Variants in CAST observed in about 807,000 individuals in gnomAD.
The protein encoded by CAST is MIR583 host.
A neutral mutation model predicts 119.6 loss-of-function variants in CAST; 76 were observed. The observed-to-expected ratio is 0.64, with a 90% CI of 0.53 to 0.77. The LOEUF (loss-of-function observed/expected upper bound fraction) is 0.77, where lower values mean the gene tolerates loss of function less well. Ranked by LOEUF, CAST falls within the 30% of genes least tolerant of loss-of-function variation. The pLI is 0.00. For missense variants in CAST, 953 were observed against 946.5 expected (o/e 1.01, Z -0.09); for synonymous variants, 319 against 331.6 (o/e 0.96, Z 0.41).
the CAST span, among the ~76,000 whole-genome samples, chr5:96,404,308 T>A: frequency 6.6e-6 from 1 of 152,148 alleles, no homozygotes; most frequent in Non-Finnish European, 1.5e-5. Flanking sequence ...AAGGAATTCC[T>A]AGGTTGAATA....
chr5:96,617,272 G>T (rs1164931488), intron 1 of CAST, among the ~76,000 whole-genome samples: 1 of 151,896 alleles, frequency 6.6e-6, no homozygotes, highest in African/African-American at 2.4e-5. Context: ...CTTTAGGTAG[G>T]GTTCATTTAT....
chr5:96,605,003 C>T (rs1042418173), intron 1 of CAST, among the ~76,000 whole-genome samples: 1 of 151,988 alleles, frequency 6.6e-6, no homozygotes. Context: ...TTAAGAGACC[C>T]GGGACATAGA....
At chr5:96,695,731 T>A (rs1753204954) in intron 2 of CAST, 105 bp from the exon 3 acceptor site, 1 of 665,596 alleles carries the variant, frequency 1.5e-6, no homozygotes, top group Non-Finnish European at 2.6e-6. Flanking sequence ...CAAATATTAG[T>A]CTGATTTTTG....
chr5:96,735,832 G>A (rs12514686), intron 9 of CAST, among the ~76,000 whole-genome samples: 11,541 of 152,236 alleles, frequency 0.076, 700 homozygotes, highest in East Asian at 0.21. Flanking sequence ...GCAGCCTATA[G>A]AAAGAATTCA....
chr5:95,995,081 A>G, the CAST span, among the ~76,000 whole-genome samples: 1 of 152,170 alleles, frequency 6.6e-6, no homozygotes, highest in African/African-American at 2.4e-5. Context: ...CCCTTGGAGC[A>G]GCTTCTCAGA....
At chr5:96,545,777 G>A (rs1746000034) in intron 1 of CAST, among the ~76,000 whole-genome samples, 1 of 152,340 alleles carries the variant, frequency 6.6e-6, no homozygotes, top group Admixed American at 6.5e-5. Flanking sequence ...GAGGCTGACT[G>A]ACATACATGG....
At chr5:96,703,331 C>T (rs1754263482) in intron 3 of CAST, among the ~76,000 whole-genome samples, 1 of 152,152 alleles carries the variant, frequency 6.6e-6, no homozygotes. Context: ...TCTCCTCCTC[C>T]CCAGCCGTGC....
Position 96,563,652 on chromosome 5 carries a change from A to T in CAST, c.60+33772A>T, listed in dbSNP as rs894254531. Among the ~76,000 whole-genome samples, 6 of 110,396 alleles carry T rather than the reference A, an allele frequency of 5.4e-5. No homozygotes were observed. The East Asian group carries it at 7.2e-4, about 13-fold the overall frequency. The allele number at this position is 110,396 out of a possible 152,430, so 72.4% of individuals were successfully genotyped here. ...ATACCATATTACATGTATTACTTATAAAAAAAAAGCATTCTTTATTTTTAA... is the reference window on the plus strand; with the variant it reads ...ATACCATATTACATGTATTACTTATTAAAAAAAAGCATTCTTTATTTTTAA... On this transcript the variant is annotated intron_variant, in intron 1 of 11. Coordinates refer to the CAST transcript ENST00000505143.
intron 1 of CAST, among the ~76,000 whole-genome samples, chr5:96,608,697 T>C (rs1293684808): frequency 1.3e-5 from 2 of 152,120 alleles, no homozygotes. Flanking sequence ...GGGTAATTAA[T>C]AAAGAAAAGA....
the CAST span, among the ~76,000 whole-genome samples, chr5:96,079,621 C>G: frequency 2.0e-5 from 3 of 152,034 alleles, no homozygotes; most frequent in Non-Finnish European, 4.4e-5. Context: ...ATCCCTAGTT[C>G]TCTCTGTCTC....
chr5:96,725,858 C>G (rs1277476344), intron 4 of CAST, among the ~76,000 whole-genome samples: 1 of 152,094 alleles, frequency 6.6e-6, no homozygotes, highest in Non-Finnish European at 1.5e-5. Flanking sequence ...AATAGAAACT[C>G]ATTAATGAGA....
chr5:96,774,330 TA>T lies in CAST; in HGVS notation c.*1719del. On this transcript the variant is annotated 3_prime_UTR_variant, in exon 32 of 32. Transcript: ENST00000675179. ...CCTATAAAAGTAAACAACATTTATT[TA>T]AAAAGAACTCTGAATATGCCTTCTT... 4.7e-6 allele frequency: 1 copy of T among 213,140 alleles called. No individual in the cohort carries two copies. The highest frequency in any genetic ancestry group is 8.2e-6 in the Non-Finnish European group (1 of 122,072). 13.2% of individuals were successfully genotyped at this position (213,140 alleles called of 1,614,324 possible).
intron 25 of CAST, chr5:96,762,618 C>T: frequency 2.5e-6 from 1 of 405,686 alleles, no homozygotes; most frequent in Non-Finnish European, 4.4e-6. Flanking sequence ...ATTATTGTTG[C>T]TTTATAAGAA....
chr5:96,357,325 C>G, the CAST span, among the ~76,000 whole-genome samples: 1 of 152,140 alleles, frequency 6.6e-6, no homozygotes, highest in Non-Finnish European at 1.5e-5. Context: ...CCCTTTATTT[C>G]TTTCTCTTGC....
At chr5:96,288,666 A>G in the CAST span, among the ~76,000 whole-genome samples, 3 of 152,268 alleles carry the variant, frequency 2.0e-5, no homozygotes, top group East Asian at 1.9e-4. Flanking sequence ...ACATATGACT[A>G]TGTTGCAAGA....
the CAST span, among the ~76,000 whole-genome samples, chr5:96,167,689 C>T: frequency 6.6e-6 from 1 of 152,098 alleles, no homozygotes; most frequent in Non-Finnish European, 1.5e-5. Context: ...GAAGGCCAAA[C>T]TGAGGAATTC....
At chr5:96,181,865 C>G in the CAST span, among the ~76,000 whole-genome samples, 1 of 152,060 alleles carries the variant, frequency 6.6e-6, no homozygotes, top group Non-Finnish European at 1.5e-5. Context: ...ATTATAACAT[C>G]AATTTTGTTA....
the CAST span, among the ~76,000 whole-genome samples, chr5:96,016,716 T>C: frequency 6.6e-6 from 1 of 152,150 alleles, no homozygotes; most frequent in East Asian, 1.9e-4. Context: ...TTGGTCAGTG[T>C]TGCTGTCCCC....
chr5:96,491,939 C>A, the CAST span, among the ~76,000 whole-genome samples: 1 of 152,154 alleles, frequency 6.6e-6, no homozygotes, highest in South Asian at 2.1e-4. Flanking sequence ...CTAAAACAGG[C>A]AAAACTAATG....
Sources: gnomAD v4.1 joint callset for allele counts (sites outside exome capture counted in the v4.1 genomes callset) on GRCh38, gnomAD v4.1.1 for gene constraint, MANE v1.5 for transcripts, NCBI Gene and HGNC (gene_info 2026-07-23, HGNC 2026-07-21) for gene names.